The following KIF4A variants were observed in gnomAD, a reference collection of about 807,000 sequenced individuals.
The protein encoded by KIF4A is kinesin family member 4A.
A neutral mutation model predicts 105.9 loss-of-function variants in KIF4A; 7 were observed. The ratio of observed to expected loss-of-function variants is 0.07; its 90% confidence interval spans 0.04 to 0.12. KIF4A has a LOEUF of 0.12. KIF4A is among the 10% of genes least tolerant of loss of function. The pLI, the probability that KIF4A is intolerant of heterozygous loss-of-function variation, is 1.00. For synonymous variants in KIF4A, 281 were observed against 331.3 expected, an observed-to-expected ratio of 0.85 and a Z score of 1.65; for missense variants, 558 against 929.2, an observed-to-expected ratio of 0.60 and a Z score of 5.19.
intron 7 of KIF4A, among the ~76,000 whole-genome samples, chrX:70,325,158 A>C (rs1313842874): frequency 8.9e-6 from 1 of 112,616 alleles, no homozygotes; most frequent in Non-Finnish European, 1.9e-5. Flanking sequence ...CTTACAACAA[A>C]TTCTAACATT....
chrX:70,418,304 A>G (rs1333058579), intron 29 of KIF4A, among the ~76,000 whole-genome samples: 1 of 112,024 alleles, frequency 8.9e-6, no homozygotes, highest in Non-Finnish European at 1.9e-5. Flanking sequence ...GACAAAGACA[A>G]GAAAGCAGGC....
intron 15 of KIF4A, among the ~76,000 whole-genome samples, chrX:70,369,810 T>C (rs991740190): frequency 3.6e-5 from 4 of 111,923 alleles, no homozygotes; most frequent in Non-Finnish European, 7.5e-5. Flanking sequence ...GTGTATATAC[T>C]ATATACTTAC....
intron 28 of KIF4A, among the ~76,000 whole-genome samples, chrX:70,413,056 A>C (rs1602816823): frequency 8.9e-6 from 1 of 112,640 alleles, no homozygotes; most frequent in Middle Eastern, 4.6e-3. Flanking sequence ...CAGTAATTTT[A>C]CACATACAAA....
At chrX:70,417,761 A>G in intron 28 of KIF4A, 127 bp from the exon 29 acceptor site, 1 of 459,653 alleles carries the variant, frequency 2.2e-6, no homozygotes, top group Non-Finnish European at 3.7e-6. Flanking sequence ...GACTAAGGAG[A>G]TTGAAGCTTG....
intron 7 of KIF4A, among the ~76,000 whole-genome samples, chrX:70,316,567 CAT>C (rs1314316065): frequency 1.8e-5 from 2 of 111,123 alleles, no homozygotes; most frequent in Non-Finnish European, 3.8e-5. Context: ...ATTGCATATA[CAT>C]ATATGTGTAT....
chrX:70,358,125 G>A (rs2086059470), intron 15 of KIF4A, among the ~76,000 whole-genome samples: 1 of 110,857 alleles, frequency 9.0e-6, no homozygotes, highest in African/African-American at 3.3e-5. Flanking sequence ...GCTGAGGCTG[G>A]TCTCAAATTC....
chrX:70,419,989 C>A, intron 30 of KIF4A, 73 bp from the exon 31 acceptor site: 1 of 1,055,012 alleles, frequency 9.5e-7, no homozygotes, highest in Non-Finnish European at 1.3e-6. Flanking sequence ...TGTCGAGCAT[C>A]TATAGCAGCT....
chrX:70,407,897 G>A (rs1569253649), intron 28 of KIF4A, among the ~76,000 whole-genome samples: 1 of 110,991 alleles, frequency 9.0e-6, no homozygotes, highest in Non-Finnish European at 1.9e-5. Flanking sequence ...AAGAAACCTC[G>A]TCTCTACTAA....
intron 28 of KIF4A, among the ~76,000 whole-genome samples, chrX:70,407,889 G>A (rs1852805042): frequency 9.0e-6 from 1 of 111,385 alleles, no homozygotes. Context: ...CTAACAGGAA[G>A]AAACCTCGTC....
chrX:70,291,635 G>A (rs753660359), intron 3 of KIF4A, among the ~76,000 whole-genome samples: 4 of 111,661 alleles, frequency 3.6e-5, no homozygotes, highest in Non-Finnish European at 5.6e-5. Flanking sequence ...TCAAAACAGA[G>A]GTTCGTTTAA....
intron 13 of KIF4A, among the ~76,000 whole-genome samples, chrX:70,347,867 C>G (rs1017441833): frequency 1.1e-5 from 1 of 91,690 alleles, no homozygotes; most frequent in Non-Finnish European, 2.1e-5. Flanking sequence ...CCCAGCTACT[C>G]GGGAGGCTGA....
chrX:70,324,697 T>TG (rs1435994124), intron 7 of KIF4A, among the ~76,000 whole-genome samples: 1 of 110,483 alleles, frequency 9.1e-6, no homozygotes, highest in Non-Finnish European at 1.9e-5. Context: ...TAAAATCATT[T>TG]GAAAAAAAAA....
intron 10 of KIF4A, 96 bp downstream of exon 10, chrX:70,333,785 C>T: frequency 5.1e-6 from 3 of 591,843 alleles, no homozygotes; most frequent in Non-Finnish European, 8.3e-6. Flanking sequence ...CTTGGTGTCA[C>T]GGTAAGGATC....
At chrX:70,383,978 T>C (rs189760018) in intron 18 of KIF4A, among the ~76,000 whole-genome samples, 1 of 112,228 alleles carries the variant, frequency 8.9e-6, no homozygotes, top group East Asian at 2.8e-4. Context: ...TGGTGATGTT[T>C]ACATCAACTG....
chrX:70,379,538 C>G (rs1483456604), intron 18 of KIF4A, among the ~76,000 whole-genome samples: 2 of 111,687 alleles, frequency 1.8e-5, no homozygotes, highest in African/African-American at 6.5e-5. Flanking sequence ...TGCCTGTAAT[C>G]CCAGCACTTT....
intron 3 of KIF4A, among the ~76,000 whole-genome samples, chrX:70,292,821 A>G (rs2085766391): frequency 8.9e-6 from 1 of 111,845 alleles, no homozygotes; most frequent in South Asian, 3.7e-4. Context: ...TACATTCTTA[A>G]CTTGGGAAAC....
At chrX:70,320,644 G>A (rs1026390514) in intron 7 of KIF4A, among the ~76,000 whole-genome samples, 2 of 112,006 alleles carry the variant, frequency 1.8e-5, no homozygotes, top group Non-Finnish European at 3.8e-5. Flanking sequence ...GACATAGAGA[G>A]TAGAATGATA....
chrX:70,380,651 C>T (rs1206626330), intron 18 of KIF4A, among the ~76,000 whole-genome samples: 1 of 111,798 alleles, frequency 8.9e-6, no homozygotes, highest in Non-Finnish European at 1.9e-5. Flanking sequence ...CATATCTATT[C>T]AACATTGTCC....
chrX:70,348,839 C>T (rs2086005149), intron 13 of KIF4A, among the ~76,000 whole-genome samples: 1 of 112,474 alleles, frequency 8.9e-6, no homozygotes, highest in African/African-American at 3.2e-5. Context: ...CCATTGTCAT[C>T]ATGGCCCGTT....
Sources: gnomAD v4.1 joint callset for allele counts (sites outside exome capture counted in the v4.1 genomes callset) on GRCh38, gnomAD v4.1.1 for gene constraint, MANE v1.5 for transcripts, NCBI Gene and HGNC (gene_info 2026-07-23, HGNC 2026-07-21) for gene names.